The following KLHL1 variants were observed in gnomAD, a reference collection of about 807,000 sequenced individuals.
KLHL1 encodes the protein kelch-like protein 1.
Under a neutral mutation model 77.7 loss-of-function variants are expected in KLHL1, and 47 were observed. The ratio of observed to expected loss-of-function variants is 0.60; its 90% CI spans 0.48 to 0.77. The LOEUF (loss-of-function observed/expected upper bound fraction) is 0.77. Ranked by LOEUF, KLHL1 falls within the 30% of genes least tolerant of loss-of-function variation. KLHL1 has a pLI of 0.00. For synonymous variants in KLHL1, 360 were observed against 325.2 expected (o/e 1.11, Z -1.15); for missense variants, 925 against 910.8 (o/e 1.02, Z -0.20).
intron 1 of KLHL1, among the ~76,000 whole-genome samples, chr13:70,025,544 A>C (rs763203893): frequency 6.6e-6 from 1 of 151,944 alleles, no homozygotes; most frequent in Non-Finnish European, 1.5e-5. Context: ...TATGTTTTTG[A>C]GAAAGTTGTT....
At chr13:70,040,244 T>A (rs1886342534) in intron 1 of KLHL1, among the ~76,000 whole-genome samples, 1 of 152,166 alleles carries the variant, frequency 6.6e-6, no homozygotes, top group Non-Finnish European at 1.5e-5. Context: ...TCTTTCTTCC[T>A]AATATTTTAA....
intron 1 of KLHL1, among the ~76,000 whole-genome samples, chr13:70,042,241 A>G (rs917065687): frequency 2.0e-5 from 3 of 151,832 alleles, no homozygotes; most frequent in Non-Finnish European, 4.4e-5. Context: ...AAATACCCTA[A>G]CCAATCTGCC....
At chr13:69,899,771 T>A (rs1413481207) in intron 4 of KLHL1, among the ~76,000 whole-genome samples, 1 of 151,876 alleles carries the variant, frequency 6.6e-6, no homozygotes, top group Non-Finnish European at 1.5e-5. Flanking sequence ...AATACTGGAG[T>A]GATCACAAAG....
intron 5 of KLHL1, among the ~76,000 whole-genome samples, chr13:69,876,364 A>C (rs1198572813): frequency 6.6e-6 from 1 of 152,188 alleles, no homozygotes; most frequent in Admixed American, 6.5e-5. Context: ...TTCCAATGAA[A>C]AAGGTTGGAG....
intron 1 of KLHL1, among the ~76,000 whole-genome samples, chr13:70,059,471 G>C (rs903623417): frequency 4.6e-5 from 7 of 151,954 alleles, no homozygotes; most frequent in African/African-American, 1.7e-4. Flanking sequence ...CGCCTGGCTG[G>C]GCAAATATTT....
chr13:70,042,872 T>G (rs1487487199), intron 1 of KLHL1, among the ~76,000 whole-genome samples: 1 of 152,022 alleles, frequency 6.6e-6, no homozygotes, highest in Non-Finnish European at 1.5e-5. Flanking sequence ...GATATGGAGA[T>G]ATGGAGGGGG....
At chr13:69,758,341 A>G (rs543633607) in intron 7 of KLHL1, among the ~76,000 whole-genome samples, 2 of 152,236 alleles carry the variant, frequency 1.3e-5, no homozygotes, top group Non-Finnish European at 1.5e-5. Flanking sequence ...ACCACACAAG[A>G]TAAGATTTCC....
intron 7 of KLHL1, among the ~76,000 whole-genome samples, chr13:69,773,421 AT>A (rs980799195): frequency 6.6e-6 from 1 of 151,914 alleles, no homozygotes; most frequent in African/African-American, 2.4e-5. Context: ...AACTTCCTAT[AT>A]TTTTCCTCTA....
chr13:70,072,445 G>A (rs1020399155), intron 1 of KLHL1, among the ~76,000 whole-genome samples: 20 of 152,028 alleles, frequency 1.3e-4, no homozygotes, highest in African/African-American at 4.8e-4. Context: ...GAAGTCATGA[G>A]GTCAGTATCC....
rs186271113 is a variant in KLHL1, at chr13:69,915,925, T to C, written c.1014+24115A>G. ...AAAAACAAACAACCGCATCAAAAAG[T>C]GGGCAAAGGATATGAACAGACACTT... On this transcript the variant is annotated intron_variant, in intron 4 of 10. Transcript: ENST00000377844. 1.4e-3 allele frequency among the ~76,000 whole-genome samples: 209 copies of C among 152,118 alleles called. 3 individuals are homozygous for C. In the East Asian group the frequency reaches 0.037, roughly 27 times the overall value.
intron 1 of KLHL1, among the ~76,000 whole-genome samples, chr13:70,032,712 A>C (rs1202047957): frequency 6.6e-6 from 1 of 152,208 alleles, no homozygotes; most frequent in Non-Finnish European, 1.5e-5. Context: ...GTATTATTCT[A>C]TGCATTTAGA....
At chr13:69,838,103 C>T (rs1397578628) in intron 6 of KLHL1, among the ~76,000 whole-genome samples, 2 of 151,232 alleles carry the variant, frequency 1.3e-5, no homozygotes, top group Non-Finnish European at 3.0e-5. Flanking sequence ...CTATTGATTA[C>T]ATCAGTTTTT....
chr13:69,861,406 A>C (rs1171460282), intron 5 of KLHL1, among the ~76,000 whole-genome samples: 1 of 152,042 alleles, frequency 6.6e-6, no homozygotes, highest in Non-Finnish European at 1.5e-5. Flanking sequence ...CAGTTTTTAA[A>C]ATAGCATCAG....
intron 1 of KLHL1, among the ~76,000 whole-genome samples, chr13:70,048,169 C>A (rs567051480): frequency 6.6e-6 from 1 of 152,122 alleles, no homozygotes; most frequent in African/African-American, 2.4e-5. Flanking sequence ...CTCAAATATA[C>A]TTTCCCTAGA....
At chr13:69,737,140 C>T (rs924776037) in intron 8 of KLHL1, among the ~76,000 whole-genome samples, 4 of 152,166 alleles carry the variant, frequency 2.6e-5, no homozygotes, top group African/African-American at 7.2e-5. Flanking sequence ...TGTGCTACCC[C>T]TCCTTGAAAA....
chr13:69,949,654 C>T (rs1883643212), intron 3 of KLHL1, among the ~76,000 whole-genome samples: 1 of 151,672 alleles, frequency 6.6e-6, no homozygotes, highest in Admixed American at 6.6e-5. Flanking sequence ...GAATAACTGG[C>T]ATAAATACTT....
intron 3 of KLHL1, among the ~76,000 whole-genome samples, chr13:69,950,082 A>T (rs1012776695): frequency 5.3e-5 from 8 of 151,802 alleles, no homozygotes; most frequent in Non-Finnish European, 1.2e-4. Context: ...CACAAGAAAG[A>T]CATGGTTATG....
chr13:70,077,020 T>C (rs1391991738), intron 1 of KLHL1, among the ~76,000 whole-genome samples: 1 of 151,946 alleles, frequency 6.6e-6, no homozygotes, highest in Non-Finnish European at 1.5e-5. Flanking sequence ...CATTCATCGC[T>C]GGTGGAAATG....
At chr13:70,103,245 T>C (rs969394909) in intron 1 of KLHL1, among the ~76,000 whole-genome samples, 6 of 151,938 alleles carry the variant, frequency 3.9e-5, no homozygotes, top group African/African-American at 1.2e-4. Flanking sequence ...AGTGAAAAAT[T>C]ATAGGGAAGG....
Sources: allele counts gnomAD v4.1 joint callset (sites outside exome capture counted in the v4.1 genomes callset), GRCh38; gene constraint gnomAD v4.1.1; transcripts MANE v1.5; gene names NCBI Gene and HGNC (gene_info 2026-07-23, HGNC 2026-07-21).